GFPT2: variants seen among roughly 807,000 people sequenced by gnomAD.
GFPT2 encodes glutamine--fructose-6-phosphate aminotransferase [isomerizing] 2.
A neutral mutation model predicts 85.6 loss-of-function variants in GFPT2; 62 were observed. The ratio of observed to expected loss-of-function variants is 0.72; its 90% CI spans 0.59 to 0.90. The LOEUF (loss-of-function observed/expected upper bound fraction) is 0.90. Among genes scored for constraint, GFPT2 ranks in the 40% least tolerant of loss-of-function variants. The pLI is 0.00. For synonymous variants in GFPT2, 368 were observed against 344.5 expected, an observed-to-expected ratio of 1.07 and a Z score of -0.75; for missense variants, 788 against 893.4, an observed-to-expected ratio of 0.88 and a Z score of 1.50.
At chr5:180,337,270 C>T (rs6871454) in intron 2 of GFPT2, among the ~76,000 whole-genome samples, 20,332 of 152,032 alleles carry the variant, frequency 0.13, 1,640 homozygotes, top group East Asian at 0.19. Flanking sequence ...CTGGTCAACA[C>T]GGTGAAACCC....
At chr5:180,306,247 A>G (rs993733419) in intron 16 of GFPT2, among the ~76,000 whole-genome samples, 1 of 152,046 alleles carries the variant, frequency 6.6e-6, no homozygotes, top group African/African-American at 2.4e-5. Flanking sequence ...GGCCTCCCAA[A>G]GTGCTGGGAT....
At chr5:180,333,891 G>A (rs1040587058) in intron 4 of GFPT2, among the ~76,000 whole-genome samples, 1 of 152,174 alleles carries the variant, frequency 6.6e-6, no homozygotes, top group African/African-American at 2.4e-5. Flanking sequence ...ACTGAAGTGG[G>A]GGATTTTCCA....
At chr5:180,345,113 T>C (rs1052409570) in intron 1 of GFPT2, among the ~76,000 whole-genome samples, 25 of 152,258 alleles carry the variant, frequency 1.6e-4, no homozygotes, top group Non-Finnish European at 2.9e-4. Flanking sequence ...GGGTGATGGC[T>C]ACAATAGTGC....
intron 15 of GFPT2, among the ~76,000 whole-genome samples, chr5:180,312,032 AGGTGGGGAGGCTGAGGGG>A (rs1763898884): frequency 4.0e-5 from 2 of 49,680 alleles, no homozygotes; most frequent in South Asian, 7.1e-4. Context: ...GGAGGCGGGG[AGGTGGGGAGGCTGAGGGG>A]CAGGGAGGCA....
At chr5:180,331,029 T>A in intron 5 of GFPT2, 195 bp from the exon 6 acceptor site, 1 of 579,368 alleles carries the variant, frequency 1.7e-6, no homozygotes, top group Non-Finnish European at 3.0e-6. Context: ...CCTGAGATCA[T>A]CCCACCTCAG....
chr5:180,352,095 C>A (rs570031943), intron 1 of GFPT2, among the ~76,000 whole-genome samples: 1 of 152,170 alleles, frequency 6.6e-6, no homozygotes, highest in Admixed American at 6.5e-5. Context: ...TCCACGGATG[C>A]CTGTTCAGCC....
Position 180,313,877 on chromosome 5 carries a change from G to C in GFPT2, c.1361C>G (p.Ser454Cys). The C allele has an allele frequency of 6.2e-7, 1 of 1,606,164 alleles. No homozygotes were observed. The highest frequency in any genetic ancestry group is 1.1e-5 in the South Asian group (1 of 90,484). ...GCCGCAGTCGGTCTCGCGAGAGATG[G>C]AGCTGCCCACGGTGTTGGTGACGCC... ...TVGVTNTVGSSISRETDCGVH... is the reference protein window; with the variant it reads ...TVGVTNTVGSCISRETDCGVH... Residue 454 changes from serine (S) to cysteine (C), a missense_variant, in exon 14 of 19, where the codon TCC (serine) becomes TGC (cysteine). Transcript: ENST00000253778.
At chr5:180,335,598 G>C (rs1403295330) in intron 4 of GFPT2, among the ~76,000 whole-genome samples, 1 of 152,262 alleles carries the variant, frequency 6.6e-6, no homozygotes. Flanking sequence ...TCGTTTTCCT[G>C]TGCACTCCTG....
Position 180,317,535 on chromosome 5 carries a change from G to A in GFPT2, c.959-477C>T, listed in dbSNP as rs545503943. On this transcript the variant is annotated intron_variant, in intron 10 of 18. Coordinates refer to ENST00000253778, the MANE Select transcript of GFPT2 (RefSeq NM_005110.4). ...AGCACTTTGGGAGGCCGAGGCGGGCGGATCACGAAGTCAGGAGATCGAGAC... is the reference window on the plus strand; with the variant it reads ...AGCACTTTGGGAGGCCGAGGCGGGCAGATCACGAAGTCAGGAGATCGAGAC... Among the ~76,000 whole-genome samples the A allele has an allele frequency of 3.8e-3, 550 of 145,316 alleles. 29 individuals carry two copies. Among genetic ancestry groups the A allele is most frequent in the African/African-American group, 0.015 (520 of 35,046 alleles).
At chr5:180,347,750 CAGA>C (rs1446324028) in intron 1 of GFPT2, among the ~76,000 whole-genome samples, 1 of 152,050 alleles carries the variant, frequency 6.6e-6, no homozygotes, top group Non-Finnish European at 1.5e-5. Flanking sequence ...GACACCCAGC[CAGA>C]AGGTCAGCCA....
At chr5:180,334,165 G>C (rs1159320040) in intron 4 of GFPT2, among the ~76,000 whole-genome samples, 1 of 152,176 alleles carries the variant, frequency 6.6e-6, no homozygotes, top group Non-Finnish European at 1.5e-5. Flanking sequence ...CCAAGGAAGA[G>C]GCCCTCGCAA....
At chr5:180,341,583 A>G (rs1183252705) in intron 1 of GFPT2, among the ~76,000 whole-genome samples, 1 of 152,248 alleles carries the variant, frequency 6.6e-6, no homozygotes, top group Non-Finnish European at 1.5e-5. Context: ...ATATGTTTGC[A>G]CATATGTATT....
At chr5:180,305,911 A>G (rs1443163312) in intron 16 of GFPT2, among the ~76,000 whole-genome samples, 1 of 151,670 alleles carries the variant, frequency 6.6e-6, no homozygotes, top group African/African-American at 2.4e-5. Flanking sequence ...ACCAAGACCA[A>G]GGAAATCAAC....
At chr5:180,325,029 G>T in intron 7 of GFPT2, 134 bp from the exon 8 acceptor site, 1 of 671,996 alleles carries the variant, frequency 1.5e-6, no homozygotes, top group Non-Finnish European at 2.7e-6. Context: ...GGTCCCACAG[G>T]ACGGACGCCT....
intron 9 of GFPT2, among the ~76,000 whole-genome samples, chr5:180,322,966 C>A (rs183495851): frequency 1.3e-5 from 2 of 149,136 alleles, no homozygotes; most frequent in African/African-American, 5.0e-5. Context: ...ACCCAGGAGG[C>A]GGAGCTTGCA....
In GFPT2 at chr5:180,301,742, T is replaced by C. The variant is rs1455047950; in HGVS notation, c.2005-134A>G. 1.8e-5 allele frequency: 13 copies of C among 726,152 alleles called. No individual in the cohort carries two copies. In the East Asian group the frequency reaches 3.0e-4, roughly 17 times the overall value. 45.0% of individuals were successfully genotyped at this position (726,152 alleles called of 1,614,324 possible). ...GGTCACCAACCTAGAGACCTGCGTC[T>C]TGGAGGCAGATTCCTTAGTCCAGAA... On this transcript the variant is annotated intron_variant, in intron 18 of 18. Transcript: ENST00000253778.
At position 180,301,467 on chromosome 5, in the gene GFPT2, G is replaced by T; in HGVS notation, c.*97C>A. 2 of 1,049,156 alleles carry T rather than the reference G, an allele frequency of 1.9e-6. No homozygotes were observed. The highest frequency in any genetic ancestry group is 3.0e-6 in the Non-Finnish European group (2 of 667,664). The allele number at this position is 1,049,156 out of a possible 1,614,324, so 65.0% of individuals were successfully genotyped here. Reference sequence around the variant, plus strand: ...AGCTCTACAGGAGCACGCAGAACATGTGGGATGTCCACTTCTCTTCCCATG... The same window carrying T: ...AGCTCTACAGGAGCACGCAGAACATTTGGGATGTCCACTTCTCTTCCCATG... On this transcript the variant is annotated 3_prime_UTR_variant, in exon 19 of 19. Transcript: ENST00000253778.
At chr5:180,336,179 T>G (rs1411829318) in intron 3 of GFPT2, 1 of 563,442 alleles carries the variant, frequency 1.8e-6, no homozygotes, top group Non-Finnish European at 3.1e-6. Flanking sequence ...AAACTTGCTT[T>G]AAAAAGAAAA....
chr5:180,331,896 G>A (rs1478515782), intron 4 of GFPT2, among the ~76,000 whole-genome samples: 1 of 152,180 alleles, frequency 6.6e-6, no homozygotes. Context: ...ATGTCCCACG[G>A]GGATGATGAG....
Sources: allele counts gnomAD v4.1 joint callset (sites outside exome capture counted in the v4.1 genomes callset), GRCh38; gene constraint gnomAD v4.1.1; transcripts MANE v1.5; gene names NCBI Gene and HGNC (gene_info 2026-07-23, HGNC 2026-07-21).